The following SGCZ variants were observed in gnomAD, a reference collection of about 807,000 sequenced individuals.
SGCZ encodes the protein sarcoglycan zeta.
SGCZ carries 40 observed loss-of-function variants against 41.3 expected under a neutral mutation model. The observed-to-expected ratio is 0.97, with a 90% confidence interval of 0.75 to 1.26. The LOEUF is 1.26. Ranked by LOEUF, SGCZ falls within the 50% of genes most tolerant of loss-of-function variation. The pLI is 0.00. For missense variants in SGCZ, 552 were observed against 369.8 expected, an observed-to-expected ratio of 1.49 and a Z score of -4.04; for synonymous variants, 206 against 137.5, an observed-to-expected ratio of 1.50 and a Z score of -3.49.
intron 1 of SGCZ, among the ~76,000 whole-genome samples, chr8:15,131,703 G>C (rs1807908291): frequency 6.6e-6 from 1 of 152,062 alleles, no homozygotes; most frequent in Non-Finnish European, 1.5e-5. Flanking sequence ...CAGTTATTGA[G>C]TCCCCTAATA....
intron 1 of SGCZ, among the ~76,000 whole-genome samples, chr8:14,807,881 A>T (rs969250319): frequency 2.0e-5 from 3 of 152,150 alleles, no homozygotes; most frequent in African/African-American, 4.8e-5. Context: ...ACCAAAACAG[A>T]GATATAGATC....
chr8:14,406,540 T>C (rs1310240752), intron 2 of SGCZ, among the ~76,000 whole-genome samples: 1 of 152,156 alleles, frequency 6.6e-6, no homozygotes, highest in Non-Finnish European at 1.5e-5. Context: ...ATGTAACCTG[T>C]GATTTGGCAT....
intron 5 of SGCZ, among the ~76,000 whole-genome samples, chr8:14,132,932 A>G (rs931244751): frequency 4.5e-4 from 69 of 152,186 alleles, no homozygotes; most frequent in African/African-American, 1.6e-3. Flanking sequence ...CTTTGTGTGC[A>G]GTCTCTGAAC....
intron 1 of SGCZ, among the ~76,000 whole-genome samples, chr8:15,012,096 G>C (rs1802844430): frequency 6.6e-6 from 1 of 152,082 alleles, no homozygotes; most frequent in Non-Finnish European, 1.5e-5. Flanking sequence ...CCTTATTAAT[G>C]AATTGAACAA....
intron 4 of SGCZ, among the ~76,000 whole-genome samples, chr8:14,189,833 G>T (rs1452122354): frequency 1.3e-5 from 2 of 151,982 alleles, no homozygotes; most frequent in Non-Finnish European, 2.9e-5. Flanking sequence ...TCCAGGATTT[G>T]TATCTGTCTT....
intron 2 of SGCZ, among the ~76,000 whole-genome samples, chr8:14,478,605 T>C (rs774769072): frequency 6.6e-6 from 1 of 152,156 alleles, no homozygotes; most frequent in Non-Finnish European, 1.5e-5. Context: ...ACTGTAACTA[T>C]GGATATTGTG....
intron 1 of SGCZ, among the ~76,000 whole-genome samples, chr8:14,909,337 T>G (rs1163785499): frequency 6.6e-6 from 1 of 152,224 alleles, no homozygotes; most frequent in African/African-American, 2.4e-5. Flanking sequence ...ATTCCTTTTT[T>G]GAAGTGTTTA....
intron 1 of SGCZ, among the ~76,000 whole-genome samples, chr8:15,120,099 G>A (rs952069276): frequency 3.9e-5 from 6 of 152,114 alleles, no homozygotes; most frequent in African/African-American, 1.2e-4. Context: ...TCCCACCTCG[G>A]CCTTCCGAAG....
At chr8:14,258,690 G>T (rs151043429) in intron 3 of SGCZ, among the ~76,000 whole-genome samples, 1 of 152,128 alleles carries the variant, frequency 6.6e-6, no homozygotes, top group African/African-American at 2.4e-5. Flanking sequence ...TTAATGTAAT[G>T]GTCTTGTGAT....
At chr8:14,921,941 C>T (rs373299185) in intron 1 of SGCZ, among the ~76,000 whole-genome samples, 23 of 152,122 alleles carry the variant, frequency 1.5e-4, no homozygotes, top group Middle Eastern at 3.4e-3. Context: ...TCTATGAAAA[C>T]GTGCTTTATA....
At chr8:14,478,240 A>G (rs1801417913) in intron 2 of SGCZ, among the ~76,000 whole-genome samples, 1 of 152,264 alleles carries the variant, frequency 6.6e-6, no homozygotes, top group East Asian at 1.9e-4. Context: ...AACCAGCACA[A>G]GAATGTTTAT....
In SGCZ at chr8:14,732,072, A is replaced by G. The variant is rs1030799749; in HGVS notation, c.40-177146T>C. 2.6e-5 allele frequency among the ~76,000 whole-genome samples: 4 copies of G among 152,316 alleles called. No homozygotes were observed. The South Asian group carries it at 6.2e-4, about 24-fold the overall frequency. ...GTTGAGCTTTCTCTTTAGAAATAAT[A>G]TTGCTTCTGAAGTTAGCCTTAATGC... On this transcript the variant is annotated intron_variant, in intron 1 of 7. Transcript: ENST00000382080.
At chr8:14,926,454 A>C (rs527419996) in intron 1 of SGCZ, among the ~76,000 whole-genome samples, 1 of 152,262 alleles carries the variant, frequency 6.6e-6, no homozygotes, top group East Asian at 1.9e-4. Flanking sequence ...ATCCCTATCA[A>C]ACATGCACAT....
At chr8:14,611,336 G>A (rs1395133644) in intron 1 of SGCZ, among the ~76,000 whole-genome samples, 2 of 151,924 alleles carry the variant, frequency 1.3e-5, no homozygotes, top group East Asian at 1.9e-4. Flanking sequence ...GGGTCTATGT[G>A]TGTGTGTGTG....
chr8:14,352,946 C>T (rs1803155692), intron 2 of SGCZ, among the ~76,000 whole-genome samples: 1 of 152,006 alleles, frequency 6.6e-6, no homozygotes, highest in South Asian at 2.1e-4. Context: ...ATTTCTTTTG[C>T]TTTTGAAATA....
At chr8:14,334,615 C>A (rs1348338287) in intron 2 of SGCZ, among the ~76,000 whole-genome samples, 1 of 151,752 alleles carries the variant, frequency 6.6e-6, no homozygotes, top group Non-Finnish European at 1.5e-5. Flanking sequence ...TTGTTTGTTT[C>A]CCTGATTCAT....
chr8:14,418,995 C>G (rs1426975991), intron 2 of SGCZ, among the ~76,000 whole-genome samples: 2 of 152,024 alleles, frequency 1.3e-5, no homozygotes, highest in East Asian at 3.9e-4. Flanking sequence ...TTTGAATTCC[C>G]TTCATGACAA....
intron 2 of SGCZ, among the ~76,000 whole-genome samples, chr8:14,404,306 ATTAC>A (rs1799154512): frequency 6.6e-6 from 1 of 152,178 alleles, no homozygotes; most frequent in Non-Finnish European, 1.5e-5. Flanking sequence ...TGCCAAATAA[ATTAC>A]TTAATAAATG....
chr8:14,590,929 G>T (rs905673643), intron 1 of SGCZ, among the ~76,000 whole-genome samples: 1 of 149,644 alleles, frequency 6.7e-6, no homozygotes. Context: ...TGTCATATAT[G>T]TGCTATATAA....
Sources: allele counts gnomAD v4.1 joint callset (sites outside exome capture counted in the v4.1 genomes callset), GRCh38; gene constraint gnomAD v4.1.1; transcripts MANE v1.5; gene names NCBI Gene and HGNC (gene_info 2026-07-23, HGNC 2026-07-21).